CWC27: variants seen among roughly 807,000 people sequenced by gnomAD.
CWC27 encodes the protein spliceosome-associated protein CWC27 homolog.
In CWC27, 47 loss-of-function variants were observed where a neutral mutation model predicts 63.6. That is an observed-to-expected ratio of 0.74 (90% CI 0.58 to 0.94). The LOEUF (loss-of-function observed/expected upper bound fraction) is 0.94, where lower values mean the gene tolerates loss of function less well. Among genes scored for constraint, CWC27 ranks in the 40% least tolerant of loss-of-function variants. The probability of loss-of-function intolerance (pLI) is 0.00; values close to 1 mark genes in which losing one functional copy is unlikely to be tolerated. For synonymous variants in CWC27, 175 were observed against 179.8 expected, an observed-to-expected ratio of 0.97 and a Z score of 0.22; for missense variants, 495 against 554.3, an observed-to-expected ratio of 0.89 and a Z score of 1.07.
chr5:64,856,058 C>A (rs1333955314), intron 10 of CWC27, among the ~76,000 whole-genome samples: 1 of 152,002 alleles, frequency 6.6e-6, no homozygotes, highest in Non-Finnish European at 1.5e-5. Flanking sequence ...ACAGATCATT[C>A]TTTTTGGATG....
intron 13 of CWC27, among the ~76,000 whole-genome samples, chr5:65,011,948 G>A (rs1408512588): frequency 6.6e-6 from 1 of 152,168 alleles, no homozygotes; most frequent in African/African-American, 2.4e-5. Flanking sequence ...AAAATTTATA[G>A]GGGGAATTAA....
At chr5:64,990,240 G>GT (rs1157360219) in intron 13 of CWC27, among the ~76,000 whole-genome samples, 903 of 77,534 alleles carry the variant, frequency 0.012, 189 homozygotes, top group East Asian at 0.018. Context: ...GTTTTTATTT[G>GT]TTTTTTTTTT....
chr5:64,801,758 T>C (rs1224299271), intron 9 of CWC27, among the ~76,000 whole-genome samples: 1 of 152,206 alleles, frequency 6.6e-6, no homozygotes, highest in Non-Finnish European at 1.5e-5. Flanking sequence ...CAAAAGATTC[T>C]CATTCAAGAG....
chr5:64,779,892 A>C, intron 2 of CWC27, among the ~76,000 whole-genome samples: 1 of 151,706 alleles, frequency 6.6e-6, no homozygotes, highest in East Asian at 1.9e-4. Flanking sequence ...GCTTGCGCTC[A>C]CTCCATCCTG....
intron 10 of CWC27, among the ~76,000 whole-genome samples, chr5:64,856,219 GA>G (rs1746255128): frequency 6.6e-6 from 1 of 151,892 alleles, no homozygotes. Context: ...AATACTTATG[GA>G]CAATTGTTTT....
chr5:65,005,572 G>T (rs1749827306), intron 13 of CWC27, among the ~76,000 whole-genome samples: 1 of 152,144 alleles, frequency 6.6e-6, no homozygotes, highest in Non-Finnish European at 1.5e-5. Flanking sequence ...GATGGGGCAG[G>T]CCTGTCCTCA....
chr5:64,969,290 G>A (rs1301281076), intron 11 of CWC27, among the ~76,000 whole-genome samples: 1 of 152,118 alleles, frequency 6.6e-6, no homozygotes, highest in Non-Finnish European at 1.5e-5. Context: ...AGCTGAAAAT[G>A]TAAGCAAAGA....
chr5:64,908,334 C>T (rs139211412), intron 11 of CWC27, among the ~76,000 whole-genome samples: 282 of 152,144 alleles, frequency 1.9e-3, no homozygotes, highest in African/African-American at 5.9e-3. Flanking sequence ...ATAAGTGCAA[C>T]GTAATGTTGA....
intron 11 of CWC27, among the ~76,000 whole-genome samples, chr5:64,888,579 A>G (rs1355933084): frequency 1.3e-5 from 2 of 148,462 alleles, no homozygotes; most frequent in Non-Finnish European, 3.0e-5. Context: ...ATATATTGGC[A>G]TACTTATAAA....
intron 10 of CWC27, among the ~76,000 whole-genome samples, chr5:64,818,662 C>T (rs1745112254): frequency 6.6e-6 from 1 of 152,078 alleles, no homozygotes; most frequent in African/African-American, 2.4e-5. Flanking sequence ...ATGTACATGT[C>T]TAGTCACCTA....
chr5:64,798,458 T>G (rs1239656303), intron 7 of CWC27, among the ~76,000 whole-genome samples: 3 of 152,202 alleles, frequency 2.0e-5, no homozygotes, highest in African/African-American at 7.2e-5. Flanking sequence ...ATCCAGTAAT[T>G]AGATGACATT....
At chr5:64,940,912 T>C (rs1748465617) in intron 11 of CWC27, among the ~76,000 whole-genome samples, 1 of 142,744 alleles carries the variant, frequency 7.0e-6, no homozygotes, top group Admixed American at 7.3e-5. Context: ...AATGGCACGA[T>C]CTTGGCTCAC....
intron 10 of CWC27, among the ~76,000 whole-genome samples, chr5:64,815,602 A>C (rs1470363571): frequency 6.6e-6 from 1 of 152,158 alleles, no homozygotes; most frequent in Non-Finnish European, 1.5e-5. Context: ...ATGACTATGT[A>C]GTAAGTTTGA....
rs1035909603 is a variant in CWC27, at chr5:64,769,049, T to C, written c.-98T>C. ...ACAAACTGAAGCTTTCCTGCACCACTGGACTTAAGGAAGAGTGTACTCGTA... is the reference window on the plus strand; with the variant it reads ...ACAAACTGAAGCTTTCCTGCACCACCGGACTTAAGGAAGAGTGTACTCGTA... On this transcript the variant is annotated 5_prime_UTR_variant, in exon 1 of 14. Coordinates refer to ENST00000381070, the MANE Select transcript of CWC27 (RefSeq NM_005869.4). 3.0e-6 allele frequency: 3 copies of C among 985,104 alleles called. No homozygotes were observed. Among genetic ancestry groups the C allele is most frequent in the African/African-American group, 3.3e-5 (2 of 61,182 alleles). The allele number at this position is 985,104 out of a possible 1,614,324, so 61.0% of individuals were successfully genotyped here.
At chr5:64,805,533 A>T (rs1328440456) in intron 10 of CWC27, among the ~76,000 whole-genome samples, 1 of 151,762 alleles carries the variant, frequency 6.6e-6, no homozygotes, top group East Asian at 1.9e-4. Context: ...CATTCAAGGC[A>T]TGTGTTTTCT....
At chr5:64,919,725 A>G (rs1375516866) in intron 11 of CWC27, among the ~76,000 whole-genome samples, 2 of 152,188 alleles carry the variant, frequency 1.3e-5, no homozygotes, top group Non-Finnish European at 1.5e-5. Flanking sequence ...TTTGGTGTCT[A>G]TGTACCACAC....
At chr5:64,911,924 ATT>A (rs1747794219) in intron 11 of CWC27, among the ~76,000 whole-genome samples, 1 of 143,914 alleles carries the variant, frequency 6.9e-6, no homozygotes, top group African/African-American at 2.8e-5. Context: ...AATACAAAAA[ATT>A]AGCCAACCGT....
At chr5:64,874,395 C>G (rs550615313) in intron 10 of CWC27, among the ~76,000 whole-genome samples, 1 of 151,482 alleles carries the variant, frequency 6.6e-6, no homozygotes, top group Non-Finnish European at 1.5e-5. Flanking sequence ...CTCCTGACCT[C>G]GTTCGTGATC....
chr5:64,960,769 TA>T (rs1230935271), intron 11 of CWC27, among the ~76,000 whole-genome samples: 3 of 148,334 alleles, frequency 2.0e-5, no homozygotes, highest in African/African-American at 7.4e-5. Flanking sequence ...TGTCACAGAA[TA>T]GCCACTCAGT....
Sources: gnomAD v4.1 joint callset for allele counts (sites outside exome capture counted in the v4.1 genomes callset) on GRCh38, gnomAD v4.1.1 for gene constraint, MANE v1.5 for transcripts, NCBI Gene and HGNC (gene_info 2026-07-23, HGNC 2026-07-21) for gene names.